The following C19orf38 variants were observed in gnomAD, a reference collection of about 807,000 sequenced individuals.
C19orf38 encodes protein HIDE1.
Under a neutral mutation model 26.6 loss-of-function variants are expected in C19orf38, and 14 were observed. That is an observed-to-expected ratio of 0.53 (90% CI 0.35 to 0.82). The LOEUF (loss-of-function observed/expected upper bound fraction) is 0.82, where lower values mean the gene tolerates loss of function less well. C19orf38 is among the 40% of genes least tolerant of loss of function. C19orf38 has a pLI of 0.01. For missense variants in C19orf38, 261 were observed against 299.5 expected (o/e 0.87, Z 0.95); for synonymous variants, 132 against 128.5 (o/e 1.03, Z -0.18).
At chr19:10,859,326 A>ATG (rs2073667254) in intron 4 of C19orf38, among the ~76,000 whole-genome samples, 1 of 78,870 alleles carries the variant, frequency 1.3e-5, no homozygotes. Flanking sequence ...GTGTGTGTGT[A>ATG]TGTATGTGTG....
intron 3 of C19orf38, among the ~76,000 whole-genome samples, chr19:10,856,944 G>A (rs1044998417): frequency 5.3e-5 from 8 of 151,804 alleles, no homozygotes; most frequent in Admixed American, 2.6e-4. Flanking sequence ...CCACAGGTGC[G>A]TGCCACCACA....
In C19orf38 at chr19:10,859,895, T is replaced by A; in HGVS notation, c.462-20T>A. On this transcript the variant is annotated intron_variant, in intron 4 of 6. Transcript: ENST00000397820. ...GGGGCAACCCTGATCCCTGTCACTTTCTCCTGAATTCCTTTGCAGAGATCG... is the reference window on the plus strand; with the variant it reads ...GGGGCAACCCTGATCCCTGTCACTTACTCCTGAATTCCTTTGCAGAGATCG... The A allele has an allele frequency of 6.4e-7, 1 of 1,551,176 alleles. No individual in the cohort carries two copies. Among genetic ancestry groups the A allele is most frequent in the South Asian group, 1.2e-5 (1 of 84,046 alleles).
chr19:10,842,596 G>T (rs1040273593), intron 1 of C19orf38, among the ~76,000 whole-genome samples: 12 of 152,200 alleles, frequency 7.9e-5, no homozygotes, highest in African/African-American at 2.6e-4. Context: ...AAGTAGCTGG[G>T]CATGGTGGCA....
At position 10,848,519 on chromosome 19, in the gene C19orf38, C is replaced by T; in HGVS notation, c.11C>T (p.Thr4Ile). The change falls in exon 1 of 7, where the codon ACC becomes ATC. Residue 4 changes from threonine (T) to isoleucine (I), a missense_variant. Coordinates refer to ENST00000397820, the MANE Select transcript of C19orf38 (RefSeq NM_001136482.3). ...CAAACGCAGAGAGAGATGCCCTGGA[C>T]CATCTTGCTCTTTGCAGCTGGTGAG... is the stretch of plus-strand genomic sequence containing the variant. MPW[T>I]ILLFAAGSLA... The T allele has an allele frequency of 1.9e-6, 3 of 1,551,684 alleles. No homozygotes were observed. The highest frequency in any genetic ancestry group is 2.6e-6 in the Non-Finnish European group (3 of 1,146,946).
chr19:10,856,720 T>C (rs1462785071), intron 3 of C19orf38, among the ~76,000 whole-genome samples: 1 of 152,000 alleles, frequency 6.6e-6, no homozygotes, highest in Non-Finnish European at 1.5e-5. Context: ...CCCAAGCTGG[T>C]CTGGAACTCC....
At chr19:10,865,727 C>T (rs199951251) in intron 6 of C19orf38, among the ~76,000 whole-genome samples, 5 of 152,202 alleles carry the variant, frequency 3.3e-5, no homozygotes. Context: ...CATTGGTATT[C>T]CTTTCTGCAG....
chr19:10,860,173 A>T (rs1415793207), intron 5 of C19orf38: 2 of 557,098 alleles, frequency 3.6e-6, no homozygotes, highest in Admixed American at 3.0e-5. Flanking sequence ...CTGACTCCCT[A>T]GACAGGGTCT....
chr19:10,857,339 C>CATATATATATATATATATATATAT (rs1215628613), intron 3 of C19orf38, among the ~76,000 whole-genome samples: 6 of 54,014 alleles, frequency 1.1e-4, no homozygotes, highest in Non-Finnish European at 1.8e-4. Context: ...CACACACATA[C>CATATATATATATATATATATATAT]ATATATATAT....
chr19:10,853,083 A>G lies in C19orf38; in HGVS notation c.340+2516A>G, dbSNP rs2073589089. ...AAAAATTATTTTATTTTTTTTTTAG[A>G]TAGGGGTCTTGCTTTGTTGACCAGG... On this transcript the variant is annotated intron_variant, in intron 2 of 6. Transcript: ENST00000397820. 2.0e-5 allele frequency among the ~76,000 whole-genome samples: 3 copies of G among 150,554 alleles called. No individual in the cohort carries two copies. In the South Asian group the frequency reaches 6.3e-4, roughly 31 times the overall value.
chr19:10,863,263 C>A (rs543235210), intron 6 of C19orf38, 56 bp downstream of exon 6: 2 of 1,526,292 alleles, frequency 1.3e-6, no homozygotes, highest in African/African-American at 1.4e-5. Flanking sequence ...ACCGGGAGAA[C>A]GGGGCGGGCT....
chr19:10,864,352 C>A (rs1265838022), intron 6 of C19orf38, among the ~76,000 whole-genome samples: 3 of 152,020 alleles, frequency 2.0e-5, no homozygotes, highest in African/African-American at 7.2e-5. Context: ...GCGGAAGCTG[C>A]TTTAGACAGG....
intron 1 of C19orf38, among the ~76,000 whole-genome samples, chr19:10,838,511 A>G (rs2073454081): frequency 1.3e-5 from 2 of 152,220 alleles, no homozygotes; most frequent in Non-Finnish European, 2.9e-5. Flanking sequence ...AAACATTTTC[A>G]TCGGCTCAGT....
At chr19:10,846,205 T>G (rs932395572), upstream of C19orf38, among the ~76,000 whole-genome samples, 11 of 146,742 alleles carry the variant, frequency 7.5e-5, no homozygotes. Flanking sequence ...TTTTTTGTTG[T>G]TTTTTTTTTG....
At chr19:10,843,437 T>G (rs909044013), upstream of C19orf38, among the ~76,000 whole-genome samples, 8 of 152,236 alleles carry the variant, frequency 5.3e-5, no homozygotes, top group African/African-American at 1.9e-4. Context: ...CTGCTGTAGC[T>G]GGGTTGAGCC....
At chr19:10,861,137 A>G (rs192007539) in intron 5 of C19orf38, among the ~76,000 whole-genome samples, 442 of 152,336 alleles carry the variant, frequency 2.9e-3, no homozygotes, top group African/African-American at 0.01. Flanking sequence ...GTGAGACTCC[A>G]TCTCAAAAAA....
At chr19:10,843,406 A>T (rs1364539029) in intron 1 of C19orf38, among the ~76,000 whole-genome samples, 1 of 152,136 alleles carries the variant, frequency 6.6e-6, no homozygotes, top group Non-Finnish European at 1.5e-5. Context: ...TATCAATATC[A>T]ATCAGAAGGC....
intron 2 of C19orf38, 111 bp downstream of exon 2, chr19:10,850,678 T>A: frequency 8.8e-7 from 1 of 1,140,488 alleles, no homozygotes; most frequent in Non-Finnish European, 1.2e-6. Flanking sequence ...GCTTACACCC[T>A]GCCAGGACTT....
chr19:10,855,853 A>G (rs1417647890), intron 2 of C19orf38, among the ~76,000 whole-genome samples: 1 of 152,134 alleles, frequency 6.6e-6, no homozygotes, highest in Non-Finnish European at 1.5e-5. Context: ...TAATATAGAC[A>G]GAATTTCCCT....
intron 3 of C19orf38, 126 bp from the exon 4 acceptor site, chr19:10,858,190 T>C: frequency 1.1e-6 from 1 of 897,656 alleles, no homozygotes; most frequent in Non-Finnish European, 1.6e-6. Flanking sequence ...ATTGAGCCAC[T>C]GCACTCCAGC....
Sources: allele counts gnomAD v4.1 joint callset (sites outside exome capture counted in the v4.1 genomes callset), GRCh38; gene constraint gnomAD v4.1.1; transcripts MANE v1.5; gene names NCBI Gene and HGNC (gene_info 2026-07-23, HGNC 2026-07-21).